The following TUBA4A variants were observed in gnomAD, a reference collection of about 807,000 sequenced individuals.
The protein encoded by TUBA4A is tubulin alpha-4A chain.
Under a neutral mutation model 34.3 loss-of-function variants are expected in TUBA4A, and 23 were observed. The observed-to-expected ratio is 0.67, with a 90% confidence interval of 0.48 to 0.95. The LOEUF (loss-of-function observed/expected upper bound fraction) is 0.95, where lower values mean the gene tolerates loss of function less well. Among genes scored for constraint, TUBA4A ranks in the 40% least tolerant of loss-of-function variants. The pLI is 0.00. For missense variants in TUBA4A, 279 were observed against 599.0 expected (o/e 0.47, Z 5.58); for synonymous variants, 216 against 230.5 (o/e 0.94, Z 0.57).
In TUBA4A at chr2:219,251,632, T is replaced by G; in HGVS notation, c.308A>C (p.Tyr103Ser). 6.2e-7 allele frequency: 1 copy of G among 1,614,138 alleles called. No homozygotes were observed. Among genetic ancestry groups the G allele is most frequent in the Non-Finnish European group, 8.5e-7 (1 of 1,180,014 alleles). ...GCCAATGGTATAGTGACCACGGGCA[T>G]AGTTGTTGGCAGCATCCTCTTTCCC... Reference protein sequence around the residue: ...ITGKEDAANNYARGHYTIGKE... With the variant: ...ITGKEDAANNSARGHYTIGKE... The change falls in exon 3 of 4, where the codon TAT (tyrosine) becomes TCT (serine). Residue 103 changes from tyrosine (Y) to serine (S), a missense_variant. This residue lies in a region of TUBA4A where 98 missense variants were observed against 171.1 expected (regional missense o/e 0.57). Coordinates refer to ENST00000248437, the MANE Select transcript of TUBA4A (RefSeq NM_006000.3). This position sits in a 1 kb window ranked among gnomAD's most constrained non-coding sequence, Gnocchi z 6.1.
rs1184555398 is a variant in TUBA4A at position 219,250,020 on chromosome 2, T to C, written c.*332A>G. ...TTCAAAGACAGAAACCACTGGATTA[T>C]ACTCCTACTTGGAAAGGAGCTGAAG... is the stretch of plus-strand genomic sequence containing the variant. On this transcript the variant is annotated 3_prime_UTR_variant, in exon 4 of 4. Coordinates refer to ENST00000248437, the MANE Select transcript of TUBA4A (RefSeq NM_006000.3). This position sits in a 1 kb window ranked among gnomAD's most constrained non-coding sequence, Gnocchi z 8.4. 1 of 273,192 alleles carries C rather than the reference T, an allele frequency of 3.7e-6. No homozygotes were observed. The allele number at this position is 273,192 out of a possible 1,614,324, so 16.9% of individuals were successfully genotyped here. A position where few individuals can be genotyped will look rare whatever the true frequency, so the allele number is the denominator to read the frequency against.
chr2:219,253,564 C>G (rs1951684702), intron 1 of TUBA4A: 1 of 772,742 alleles, frequency 1.3e-6, no homozygotes, highest in East Asian at 2.7e-5. Flanking sequence ...GACTCTCATA[C>G]AGAGTCGGGA....
In TUBA4A at chr2:219,252,685, C is replaced by G. The variant is rs1009783116; in HGVS notation, c.4-455G>C. 1 of 440,718 alleles carries G rather than the reference C, an allele frequency of 2.3e-6. No individual in the cohort carries two copies. The highest frequency in any genetic ancestry group is 4.8e-6 in the Non-Finnish European group (1 of 206,542). 27.3% of individuals were successfully genotyped at this position (440,718 alleles called of 1,614,324 possible). On this transcript the variant is annotated intron_variant, in intron 1 of 3. Coordinates refer to ENST00000248437, the MANE Select transcript of TUBA4A (RefSeq NM_006000.3). The surrounding 1 kb of genome is among the most constrained non-coding windows in gnomAD (Gnocchi z 4.1). ...ACTGACCACACGCCATCAGGATGCC[C>G]TCCTCCCTCACCTTTAAATCCCATC...
rs1262823148 is a variant in TUBA4A at position 219,251,155 on chromosome 2, C to A, written c.544G>T (p.Val182Phe). ...YPAPQVSTAVVEPYNSILTTH... is the reference protein window; with the variant it reads ...YPAPQVSTAVFEPYNSILTTH... ...GTCAGGATAGAGTTGTAGGGCTCGA[C>A]CACGGCTGTAGACACCTGGGGGGCT... Residue 182 changes from valine to phenylalanine, a missense_variant, in exon 4 of 4, where the codon GTC becomes TTC. This residue lies in a region of TUBA4A where 108 missense variants were observed against 299.9 expected (regional missense o/e 0.36). Coordinates refer to ENST00000248437, the MANE Select transcript of TUBA4A (RefSeq NM_006000.3). This position sits in a 1 kb window ranked among gnomAD's most constrained non-coding sequence, Gnocchi z 6.1. 1 of 1,614,122 alleles carries A rather than the reference C, an allele frequency of 6.2e-7. No individual in the cohort carries two copies. The highest frequency in any genetic ancestry group is 2.2e-5 in the East Asian group (1 of 44,878).
Position 219,250,406 on chromosome 2 carries a change from A to G in TUBA4A, c.1293T>C (p.Asp431=), listed in dbSNP as rs754497882. ...AGGAGTCGATGCCCACCTCCTCATA[A>G]TCCTTCTCCAGGGCAGCCATATCCT... ...AREDMAALEK[D]YEEVGIDSYE... The change falls in exon 4 of 4, where the codon GAT becomes GAC. Residue 431 remains aspartate (D), a synonymous_variant. Coordinates refer to ENST00000248437, the MANE Select transcript of TUBA4A (RefSeq NM_006000.3). The surrounding 1 kb of genome is among the most constrained non-coding windows in gnomAD (Gnocchi z 8.4). The G allele has an allele frequency of 8.7e-6, 14 of 1,613,972 alleles. No homozygotes were observed. The East Asian group carries it at 2.5e-4, about 28-fold the overall frequency.
chr2:219,253,567 A>T (rs1951684752), intron 1 of TUBA4A: 5 of 764,640 alleles, frequency 6.5e-6, no homozygotes, highest in Non-Finnish European at 1.1e-5. Context: ...TCTCATACAG[A>T]GTCGGGACAC....
In TUBA4A at chr2:219,250,494, C is replaced by T. The variant is rs1951629012; in HGVS notation, c.1205G>A (p.Arg402Lys). The T allele has an allele frequency of 1.9e-6, 3 of 1,614,116 alleles. No individual in the cohort carries two copies. Among genetic ancestry groups the T allele is most frequent in the Admixed American group, 1.7e-5 (1 of 60,012 alleles). ...DHKFDLMYAKRAFVHWYVGEG... is the reference protein window; with the variant it reads ...DHKFDLMYAKKAFVHWYVGEG... ...ACCCACATACCAGTGCACAAACGCC[C>T]TCTTGGCATACATCAGGTCGAACTT... The change falls in exon 4 of 4, where the codon AGG (arginine) becomes AAG (lysine). Residue 402 changes from arginine to lysine, a missense_variant. Physicochemically the swap from Arg to Lys is conservative, Grantham distance 26. This residue lies in a region of TUBA4A where 73 missense variants were observed against 128.0 expected (regional missense o/e 0.57). Transcript: ENST00000248437. The surrounding 1 kb of genome is among the most constrained non-coding windows in gnomAD (Gnocchi z 8.4).
rs1008619982 is a variant in TUBA4A, at chr2:219,250,188, A to G, written c.*164T>C. ...CCCTTTGCAGGTCTCACCTTCAGCG[A>G]TGGAAGGGATAAGGGTCATGAACAG... On this transcript the variant is annotated 3_prime_UTR_variant, in exon 4 of 4. Coordinates refer to ENST00000248437, the MANE Select transcript of TUBA4A (RefSeq NM_006000.3). This position sits in a 1 kb window ranked among gnomAD's most constrained non-coding sequence, Gnocchi z 8.4. 2 of 1,041,668 alleles carry G rather than the reference A, an allele frequency of 1.9e-6. No homozygotes were observed. The highest frequency in any genetic ancestry group is 4.8e-5 in the East Asian group (2 of 41,704). 64.5% of individuals were successfully genotyped at this position (1,041,668 alleles called of 1,614,324 possible). A position where few individuals can be genotyped will look rare whatever the true frequency, so the allele number is the denominator to read the frequency against.
chr2:219,253,944 T>G, upstream of TUBA4A: 2 of 987,508 alleles, frequency 2.0e-6, no homozygotes, highest in Non-Finnish European at 1.3e-6. Context: ...GCACCGCCCT[T>G]ATAGGCGGGG....
In TUBA4A at chr2:219,251,881, T is replaced by C; in HGVS notation, c.226+127A>G. The C allele has an allele frequency of 7.4e-7, 1 of 1,343,894 alleles. No homozygotes were observed. The allele number at this position is 1,343,894 out of a possible 1,614,324, so 83.2% of individuals were successfully genotyped here. ...AGGCCAGTCTCAGATCAGCTTGCCTTCTGCAGCTTCAAGTACGGCTAGGAA... is the reference window on the plus strand; with the variant it reads ...AGGCCAGTCTCAGATCAGCTTGCCTCCTGCAGCTTCAAGTACGGCTAGGAA... On this transcript the variant is annotated intron_variant, in intron 2 of 3. Coordinates refer to ENST00000248437, the MANE Select transcript of TUBA4A (RefSeq NM_006000.3). This position sits in a 1 kb window ranked among gnomAD's most constrained non-coding sequence, Gnocchi z 6.1.
intron 1 of TUBA4A, among the ~76,000 whole-genome samples, 166 bp downstream of exon 1, chr2:219,253,690 G>C (rs1332829606): frequency 6.6e-6 from 1 of 152,188 alleles, no homozygotes; most frequent in South Asian, 2.1e-4. Flanking sequence ...TATACGGCTC[G>C]GCCAAAGTCA....
chr2:219,252,484 G>A lies in TUBA4A; in HGVS notation c.4-254C>T, dbSNP rs180948447. Among the ~76,000 whole-genome samples, 1,207 of 152,184 alleles carry A rather than the reference G, an allele frequency of 7.9e-3. 8 individuals carry two copies. The highest frequency in any genetic ancestry group is 0.011 in the Non-Finnish European group (769 of 68,006). Reference sequence around the variant, plus strand: ...TCTCAGTGGGGAATCTGTCAAGTGAGCACTGTGGCTCCACATGACAAAAGG... The same window carrying A: ...TCTCAGTGGGGAATCTGTCAAGTGAACACTGTGGCTCCACATGACAAAAGG... On this transcript the variant is annotated intron_variant, in intron 1 of 3. Coordinates refer to ENST00000248437, the MANE Select transcript of TUBA4A (RefSeq NM_006000.3). This position sits in a 1 kb window ranked among gnomAD's most constrained non-coding sequence, Gnocchi z 4.1.
intron 1 of TUBA4A, chr2:219,253,469 G>C: frequency 7.2e-7 from 1 of 1,389,824 alleles, no homozygotes; most frequent in East Asian, 2.5e-5. Flanking sequence ...CTCGGTCAGT[G>C]CTGAGGACCA....
rs1241875438 is a variant in TUBA4A at position 219,250,879 on chromosome 2, G to C, written c.820C>G (p.Pro274Ala). 8 of 1,614,036 alleles carry C rather than the reference G, an allele frequency of 5.0e-6. No individual in the cohort carries two copies. In the Admixed American group the frequency reaches 1.2e-4, roughly 24 times the overall value. The stretch of plus-strand genomic sequence containing the variant: ...TATGCCTTTTCTGCAGAGATGACTG[G>C]TGCATAGGTGGCCAGGGGGAAGTGG... ...RIHFPLATYAPVISAEKAYHE... is the reference protein window; with the variant it reads ...RIHFPLATYAAVISAEKAYHE... The change falls in exon 4 of 4, where the codon CCA becomes GCA. Residue 274 changes from proline (P) to alanine (A), a missense_variant. By Grantham distance (27) the Pro-to-Ala change is conservative. Around this residue, in one of 3 missense-constraint regions of TUBA4A, gnomAD observed 108 missense variants for 299.9 expected, o/e 0.36. Transcript: ENST00000248437. The surrounding 1 kb of genome is among the most constrained non-coding windows in gnomAD (Gnocchi z 8.4).
chr2:219,251,306 T>C lies in TUBA4A; in HGVS notation c.393A>G (p.Gly131=). ...RIRKLSDQCT[G]LQGFLVFHSF... is the part of the protein sequence containing the mutation. Reference sequence around the variant, plus strand: ...TGTGGAACACCAGGAAGCCCTGAAGTCCTGTGCACTGGTCAGACTGAAAGG... The same window carrying C: ...TGTGGAACACCAGGAAGCCCTGAAGCCCTGTGCACTGGTCAGACTGAAAGG... The change falls in exon 4 of 4, where the codon GGA becomes GGG. Residue 131 remains glycine (G), a synonymous_variant. Transcript: ENST00000248437. This position sits in a 1 kb window ranked among gnomAD's most constrained non-coding sequence, Gnocchi z 6.1. The C allele has an allele frequency of 6.2e-7, 1 of 1,610,698 alleles. No individual in the cohort carries two copies. The highest frequency in any genetic ancestry group is 8.5e-7 in the Non-Finnish European group (1 of 1,177,766).
chr2:219,253,776 C>T, intron 1 of TUBA4A, 80 bp downstream of exon 1: 1 of 1,506,192 alleles, frequency 6.6e-7, no homozygotes. Context: ...TGGAGGTCCC[C>T]GAGCATGCCT....
In TUBA4A at chr2:219,252,391, C is replaced by G. The variant is rs1023399809; in HGVS notation, c.4-161G>C. ...GGTGAGAAGAGAGTAGCAGCCTGCCCGGGCTCCCAGGTACAGGACTCCCCA... is the reference window on the plus strand; with the variant it reads ...GGTGAGAAGAGAGTAGCAGCCTGCCGGGGCTCCCAGGTACAGGACTCCCCA... On this transcript the variant is annotated intron_variant, in intron 1 of 3. Transcript: ENST00000248437. This position sits in a 1 kb window ranked among gnomAD's most constrained non-coding sequence, Gnocchi z 4.1. Among the ~76,000 whole-genome samples, 1 of 152,074 alleles carries G rather than the reference C, an allele frequency of 6.6e-6. No homozygotes were observed. The highest frequency in any genetic ancestry group is 1.5e-5 in the Non-Finnish European group (1 of 68,008).
In TUBA4A at chr2:219,252,264, CCCACAT is replaced by C. The variant is rs752420294; in HGVS notation, c.4-40_4-35del. 6.3e-7 allele frequency: 1 copy of C among 1,581,390 alleles called. No homozygotes were observed. Among genetic ancestry groups the C allele is most frequent in the Non-Finnish European group, 8.7e-7 (1 of 1,152,186 alleles). On this transcript the variant is annotated intron_variant, in intron 1 of 3. Transcript: ENST00000248437. This position sits in a 1 kb window ranked among gnomAD's most constrained non-coding sequence, Gnocchi z 4.1. ...TAGAGAGAGGGGACACAGCATGAGCCCCACATCCACAAGTCCTCACCTTGCGAGTCT... is the reference window on the plus strand; with the variant it reads ...TAGAGAGAGGGGACACAGCATGAGCCCCACAAGTCCTCACCTTGCGAGTCT...
rs571856046 is a variant in TUBA4A at position 219,249,786 on chromosome 2, C to CAGA, written c.*563_*565dup. 136 of 153,816 alleles carry CAGA rather than the reference C, an allele frequency of 8.8e-4. 2 individuals carry two copies. The South Asian group carries it at 9.9e-3, about 11-fold the overall frequency. The allele number at this position is 153,816 out of a possible 1,614,324, so 9.5% of individuals were successfully genotyped here. On this transcript the variant is annotated 3_prime_UTR_variant, in exon 4 of 4. Coordinates refer to ENST00000248437, the MANE Select transcript of TUBA4A (RefSeq NM_006000.3). The stretch of plus-strand genomic sequence containing the variant: ...AGACAGGAAGCTATGCAAAGCTGCT[C>CAGA]AGAGGTGCAGTGGCACAAACAACTC...
Sources: gnomAD v4.1 joint callset for allele counts (sites outside exome capture counted in the v4.1 genomes callset) on GRCh38, gnomAD v4.1.1 for gene constraint, gnomAD v4.1.1 regional missense constraint, Gnocchi (gnomAD v3.1) non-coding constraint, MANE v1.5 for transcripts, NCBI Gene and HGNC (gene_info 2026-07-23, HGNC 2026-07-21) for gene names.